Variants in TRIM2 observed in about 807,000 individuals in gnomAD.
TRIM2 encodes tripartite motif-containing protein 2.
In TRIM2, 20 loss-of-function variants were observed where a neutral mutation model predicts 75.2. The observed-to-expected ratio is 0.27, with a 90% confidence interval of 0.19 to 0.39. TRIM2 has a LOEUF of 0.39. Among genes scored for constraint, TRIM2 ranks in the 10% least tolerant of loss-of-function variants. TRIM2 has a pLI of 1.00. For synonymous variants in TRIM2, 373 were observed against 388.3 expected (o/e 0.96, Z 0.46); for missense variants, 660 against 990.8 (o/e 0.67, Z 4.48).
At chr4:153,260,720 ACACACAT>A (rs1313518318) in intron 1 of TRIM2, among the ~76,000 whole-genome samples, 22 of 88,798 alleles carry the variant, frequency 2.5e-4, no homozygotes, top group African/African-American at 9.9e-4. Context: ...ACACACACAC[ACACACAT>A]CATCATCATC....
chr4:153,284,181 G>GT (rs1560946942), intron 3 of TRIM2, among the ~76,000 whole-genome samples: 2 of 149,844 alleles, frequency 1.3e-5, no homozygotes, highest in African/African-American at 4.9e-5. Context: ...GCCTGGCCTG[G>GT]TTTTTTTTGT....
upstream of TRIM2, among the ~76,000 whole-genome samples, chr4:153,201,862 T>C (rs1734413397): frequency 6.6e-6 from 1 of 152,196 alleles, no homozygotes; most frequent in African/African-American, 2.4e-5. Flanking sequence ...AAAAATAAAC[T>C]TTCTAGGTTA....
At chr4:153,252,788 G>A (rs1470047922) in intron 1 of TRIM2, among the ~76,000 whole-genome samples, 2 of 152,188 alleles carry the variant, frequency 1.3e-5, no homozygotes, top group Admixed American at 6.5e-5. Flanking sequence ...GATTACAGGC[G>A]TAAGCCACCA....
intron 1 of TRIM2, among the ~76,000 whole-genome samples, chr4:153,181,389 G>T (rs1485132922): frequency 2.0e-5 from 3 of 152,216 alleles, no homozygotes; most frequent in Non-Finnish European, 2.9e-5. Context: ...AGAGGGGAAT[G>T]GTTCCAATAA....
intron 1 of TRIM2, among the ~76,000 whole-genome samples, chr4:153,208,262 C>T (rs1323955712): frequency 2.0e-5 from 3 of 152,056 alleles, no homozygotes. Flanking sequence ...TGTGCCAGTC[C>T]ACTCCAGCCT....
At chr4:153,223,221 G>A (rs1560838926) in intron 1 of TRIM2, among the ~76,000 whole-genome samples, 1 of 152,198 alleles carries the variant, frequency 6.6e-6, no homozygotes, top group Non-Finnish European at 1.5e-5. Flanking sequence ...GGGCCGCTGA[G>A]CAGCAGAACC....
chr4:153,253,905 GCTGCT>G (rs1466697862), intron 1 of TRIM2, among the ~76,000 whole-genome samples: 1 of 152,188 alleles, frequency 6.6e-6, no homozygotes, highest in Non-Finnish European at 1.5e-5. Context: ...AGCCCTCAGG[GCTGCT>G]CTGTCTATGG....
chr4:153,203,183 T>C (rs1331567671), upstream of TRIM2, among the ~76,000 whole-genome samples: 1 of 151,712 alleles, frequency 6.6e-6, no homozygotes, highest in East Asian at 1.9e-4. Context: ...CCTGCCTTCT[T>C]CCAAATATAC....
At position 153,295,435 on chromosome 4, in the gene TRIM2, G is replaced by T; in HGVS notation, c.909G>T (p.Gln303His). ...CCGAGGTCCTACTGGTGAAGAAGCA[G>T]ATGAGCGAGAAGCTGAACGAGCTGG... is the stretch of plus-strand genomic sequence containing the variant. ...TETEVLLVKK[Q>H]MSEKLNELAD... Residue 303 changes from glutamine to histidine, a missense_variant, in exon 6 of 12, where the codon CAG (glutamine) becomes CAT (histidine). Around this residue, in one of 2 missense-constraint regions of TRIM2, gnomAD observed 620 missense variants for 891.0 expected, o/e 0.70. Transcript: ENST00000338700. This position sits in a 1 kb window ranked among gnomAD's most constrained non-coding sequence, Gnocchi z 7.2. 6.2e-7 allele frequency: 1 copy of T among 1,614,210 alleles called. No individual in the cohort carries two copies. Among genetic ancestry groups the T allele is most frequent in the South Asian group, 1.1e-5 (1 of 91,076 alleles).
intron 3 of TRIM2, chr4:153,276,350 TTG>T: frequency 1.7e-6 from 1 of 589,718 alleles, no homozygotes; most frequent in Non-Finnish European, 3.0e-6. Context: ...TTCACACATA[TTG>T]TTGGTATCCC....
In TRIM2 at chr4:153,338,585, C is replaced by T; in HGVS notation, c.*3619C>T. 1 of 984,540 alleles carries T rather than the reference C, an allele frequency of 1.0e-6. No individual in the cohort carries two copies. The highest frequency in any genetic ancestry group is 1.2e-6 in the Non-Finnish European group (1 of 828,966). The allele number at this position is 984,540 out of a possible 1,614,324, so 61.0% of individuals were successfully genotyped here. On this transcript the variant is annotated 3_prime_UTR_variant, in exon 12 of 12. Transcript: ENST00000338700. ...AAATCTAGTATTGCCATAAAGGAAA[C>T]TAAGTGCCCATCAAAGATTTGTTTG...
intron 1 of TRIM2, among the ~76,000 whole-genome samples, chr4:153,259,454 CTT>C (rs1752869593): frequency 6.6e-6 from 1 of 152,112 alleles, no homozygotes; most frequent in South Asian, 2.1e-4. Context: ...CCTTGTGCCT[CTT>C]TTAATTATTT....
At chr4:153,176,092 G>A (rs762662335) in intron 1 of TRIM2, among the ~76,000 whole-genome samples, 9 of 151,854 alleles carry the variant, frequency 5.9e-5, no homozygotes, top group African/African-American at 1.2e-4. Flanking sequence ...AAAGGGGCAC[G>A]ATATATGCAC....
intron 1 of TRIM2, among the ~76,000 whole-genome samples, chr4:153,260,698 C>CACACACACACACA (rs1560902891): frequency 1.3e-5 from 1 of 75,528 alleles, no homozygotes; most frequent in African/African-American, 4.0e-5. Flanking sequence ...CCACCCCCCC[C>CACACACACACACA]CCCACACACA....
At chr4:153,257,910 T>G (rs1752472630) in intron 1 of TRIM2, 1 of 267,220 alleles carries the variant, frequency 3.7e-6, no homozygotes, top group African/African-American at 2.2e-5. Context: ...CATTCTTTGC[T>G]TAAACAAAGG....
chr4:153,279,419 A>T (rs1758736639), intron 3 of TRIM2, among the ~76,000 whole-genome samples: 2 of 152,116 alleles, frequency 1.3e-5, no homozygotes, highest in Admixed American at 6.5e-5. Flanking sequence ...ACACATGTTT[A>T]TGGGGAAAAA....
At chr4:153,163,208 C>T (rs2149597623) in intron 1 of TRIM2, among the ~76,000 whole-genome samples, 1 of 152,144 alleles carries the variant, frequency 6.6e-6, no homozygotes, top group Admixed American at 6.5e-5. Flanking sequence ...TTCTTTGAGA[C>T]AGGGTCTTGC....
At chr4:153,243,444 G>A (rs1402764118) in intron 1 of TRIM2, among the ~76,000 whole-genome samples, 2 of 152,214 alleles carry the variant, frequency 1.3e-5, no homozygotes. Flanking sequence ...GGCTAGGGAT[G>A]GGGAGCACTG....
upstream of TRIM2, among the ~76,000 whole-genome samples, chr4:153,202,647 C>T (rs1253477512): frequency 2.7e-5 from 4 of 147,192 alleles, no homozygotes; most frequent in South Asian, 2.1e-4. Flanking sequence ...TGCAGTGAGC[C>T]GAGATCACGC....
Sources: gnomAD v4.1 joint callset for allele counts (sites outside exome capture counted in the v4.1 genomes callset) on GRCh38, gnomAD v4.1.1 for gene constraint, gnomAD v4.1.1 regional missense constraint, Gnocchi (gnomAD v3.1) non-coding constraint, MANE v1.5 for transcripts, NCBI Gene and HGNC (gene_info 2026-07-23, HGNC 2026-07-21) for gene names.